Variants in IFT56 observed in about 807,000 individuals in gnomAD.
IFT56 encodes the protein intraflagellar transport protein 56.
At chr7:139,186,956 C>T in the IFT56 span, among the ~76,000 whole-genome samples, 9 of 150,428 alleles carry the variant, frequency 6.0e-5, no homozygotes, top group East Asian at 2.0e-4. Context: ...TAGCCGGGCG[C>T]GGTGGCGGGC....
chr7:139,176,827 C>T, the IFT56 span, among the ~76,000 whole-genome samples: 1 of 152,108 alleles, frequency 6.6e-6, no homozygotes, highest in South Asian at 2.1e-4. Flanking sequence ...AGTAAACAAA[C>T]AAAACTCCCA....
At chr7:139,161,023 G>T in the IFT56 span, 2 of 1,613,124 alleles carry the variant, frequency 1.2e-6, no homozygotes, top group South Asian at 2.2e-5. Context: ...GCACAATCTG[G>T]TGAATAACGA....
chr7:139,158,397 A>T, the IFT56 span, among the ~76,000 whole-genome samples: 1 of 151,900 alleles, frequency 6.6e-6, no homozygotes, highest in Non-Finnish European at 1.5e-5. Context: ...ATGATATTTC[A>T]TCATTAAGAA....
chr7:139,140,699 C>T, the IFT56 span, among the ~76,000 whole-genome samples: 5,253 of 135,448 alleles, frequency 0.039, 136 homozygotes, highest in South Asian at 0.14. Context: ...CACTTGAACC[C>T]GGGAGGCGGA....
the IFT56 span, chr7:139,168,400 G>A: frequency 6.2e-7 from 1 of 1,610,360 alleles, no homozygotes; most frequent in South Asian, 1.1e-5. Context: ...TGGGTTCAGT[G>A]AGTATGAAAT....
chr7:139,188,807 A>G, the IFT56 span, among the ~76,000 whole-genome samples: 5 of 152,336 alleles, frequency 3.3e-5, no homozygotes, highest in South Asian at 8.3e-4. Context: ...CATTTTATTC[A>G]TGTATTATTT....
the IFT56 span, chr7:139,137,899 A>ATTGT: frequency 6.2e-7 from 1 of 1,613,610 alleles, no homozygotes; most frequent in Non-Finnish European, 8.5e-7. Flanking sequence ...TGGATTGGAT[A>ATTGT]TTGTGCCTTT....
the IFT56 span, among the ~76,000 whole-genome samples, chr7:139,169,530 G>T: frequency 1.3e-5 from 2 of 152,188 alleles, no homozygotes. Flanking sequence ...GCGAAAGTGG[G>T]ATAAGAGAAT....
the IFT56 span, among the ~76,000 whole-genome samples, chr7:139,150,375 C>G: frequency 6.6e-6 from 1 of 152,092 alleles, no homozygotes; most frequent in African/African-American, 2.4e-5. Flanking sequence ...GGTGTGTGGT[C>G]CAATTTATTA....
At chr7:139,165,800 G>A in the IFT56 span, among the ~76,000 whole-genome samples, 1 of 152,010 alleles carries the variant, frequency 6.6e-6, no homozygotes, top group Non-Finnish European at 1.5e-5. Context: ...ATGCATTTGT[G>A]GTGGCATTTG....
At chr7:139,139,838 C>T in the IFT56 span, 1 of 1,156,686 alleles carries the variant, frequency 8.6e-7, no homozygotes, top group Non-Finnish European at 1.3e-6. Flanking sequence ...GAAGAATGGC[C>T]CATCAATTGC....
At chr7:139,162,958 C>CA in the IFT56 span, among the ~76,000 whole-genome samples, 331 of 91,008 alleles carry the variant, frequency 3.6e-3, no homozygotes, top group Middle Eastern at 0.018. Context: ...GACTCCATCT[C>CA]AAAAAAAAAA....
the IFT56 span, among the ~76,000 whole-genome samples, chr7:139,159,441 T>C: frequency 6.6e-6 from 1 of 152,204 alleles, no homozygotes; most frequent in Admixed American, 6.5e-5. Context: ...TTAATTTATG[T>C]ACAAGGGGTC....
the IFT56 span, among the ~76,000 whole-genome samples, chr7:139,149,341 ACTCT>A: frequency 6.7e-6 from 1 of 149,414 alleles, no homozygotes; most frequent in Non-Finnish European, 1.5e-5. Context: ...ATATCTGTTG[ACTCT>A]CTTCTTCATC....
the IFT56 span, among the ~76,000 whole-genome samples, chr7:139,175,040 GA>G: frequency 4.4e-5 from 4 of 91,770 alleles, no homozygotes; most frequent in East Asian, 1.0e-3. Context: ...AAGAAAGAAA[GA>G]AAAAAAAAGA....
At chr7:139,157,608 A>G in the IFT56 span, among the ~76,000 whole-genome samples, 1 of 142,314 alleles carries the variant, frequency 7.0e-6, no homozygotes, top group East Asian at 2.1e-4. Flanking sequence ...TGTTTGAGTG[A>G]TCTTTGTGCC....
chr7:139,147,230 A>C, the IFT56 span: 34 of 1,613,582 alleles, frequency 2.1e-5, 1 homozygote, highest in Admixed American at 1.7e-5. Flanking sequence ...TCAATCCACT[A>C]TATGCGATCT....
chr7:139,173,996 ATTTTCATCT>A, the IFT56 span: 13 of 634,484 alleles, frequency 2.0e-5, no homozygotes, highest in Admixed American at 4.2e-5. Flanking sequence ...AATTTTCATC[ATTTTCATCT>A]TTTTCATCAA....
chr7:139,156,526 A>G, the IFT56 span, among the ~76,000 whole-genome samples: 1 of 151,654 alleles, frequency 6.6e-6, no homozygotes, highest in African/African-American at 2.4e-5. Context: ...TGTATCTTTC[A>G]TTTATCTCAA....
Sources: gnomAD v4.1 joint callset for allele counts (sites outside exome capture counted in the v4.1 genomes callset) on GRCh38, gnomAD v4.1.1 for gene constraint, MANE v1.5 for transcripts, NCBI Gene and HGNC (gene_info 2026-07-23, HGNC 2026-07-21) for gene names.